Variants in ADGRV1 observed in about 807,000 individuals in gnomAD.
ADGRV1 encodes the protein G-protein coupled receptor 98.
In ADGRV1, 359 loss-of-function variants were observed where a neutral mutation model predicts 596.2. That is an observed-to-expected ratio of 0.60 (90% confidence interval 0.55 to 0.66). The LOEUF (loss-of-function observed/expected upper bound fraction) is 0.66. ADGRV1 is among the 30% of genes least tolerant of loss of function. The pLI, the probability that ADGRV1 is intolerant of heterozygous loss-of-function variation, is 0.00. For missense variants in ADGRV1, 7,274 were observed against 7,575.6 expected, an observed-to-expected ratio of 0.96 and a Z score of 1.48; for synonymous variants, 2,681 against 2,679.2, an observed-to-expected ratio of 1.00 and a Z score of -0.02.
At chr5:90,639,541 G>A (rs1474997238) in intron 11 of ADGRV1, among the ~76,000 whole-genome samples, 2 of 151,888 alleles carry the variant, frequency 1.3e-5, no homozygotes, top group African/African-American at 2.4e-5. Context: ...TATCCCCTAT[G>A]GGTAAAAATA....
At chr5:90,970,681 C>A (rs1474422151) in intron 84 of ADGRV1, among the ~76,000 whole-genome samples, 1 of 152,106 alleles carries the variant, frequency 6.6e-6, no homozygotes, top group African/African-American at 2.4e-5. Flanking sequence ...ATAGAAAGGA[C>A]ATCCACATCA....
At position 90,787,832 on chromosome 5, in the gene ADGRV1, C is replaced by T. The variant is rs141667558; in HGVS notation, c.13654-239C>T. On this transcript the variant is annotated intron_variant, in intron 67 of 89. Coordinates refer to ENST00000405460, the MANE Select transcript of ADGRV1 (RefSeq NM_032119.4). ...TCTCAAACTCCTGATCTCAGGTGAT[C>T]TGCCCGCCTCGGCCTCCCAAAGTGT... 0.021 allele frequency among the ~76,000 whole-genome samples: 3,260 copies of T among 152,026 alleles called. 135 individuals carry two copies. Among genetic ancestry groups the T allele is most frequent in the African/African-American group, 0.075 (3,118 of 41,472 alleles).
intron 34 of ADGRV1, among the ~76,000 whole-genome samples, chr5:90,702,669 G>T (rs536200861): frequency 1.3e-5 from 2 of 151,998 alleles, no homozygotes; most frequent in South Asian, 2.1e-4. Flanking sequence ...TTTAAAAAAT[G>T]TTTGAAGATA....
At chr5:91,102,893 C>G (rs944184454) in intron 87 of ADGRV1, among the ~76,000 whole-genome samples, 4 of 152,158 alleles carry the variant, frequency 2.6e-5, no homozygotes, top group Non-Finnish European at 4.4e-5. Context: ...AAAATGAAAG[C>G]TGAGATTTTT....
At chr5:90,770,689 A>AAAACAAAC (rs368675436) in intron 59 of ADGRV1, among the ~76,000 whole-genome samples, 6 of 152,080 alleles carry the variant, frequency 3.9e-5, no homozygotes, top group African/African-American at 1.4e-4. Flanking sequence ...GTGCTCATGG[A>AAAACAAAC]AAACAAACAA....
chr5:90,581,984 T>C (rs570833126), intron 1 of ADGRV1, among the ~76,000 whole-genome samples: 13 of 152,298 alleles, frequency 8.5e-5, no homozygotes, highest in Admixed American at 5.2e-4. Context: ...CCATGTATTG[T>C]GTAATTTGGA....
At chr5:90,745,932 C>A in intron 52 of ADGRV1, 137 bp downstream of exon 52, 1 of 596,392 alleles carries the variant, frequency 1.7e-6, no homozygotes, top group Non-Finnish European at 2.9e-6. Context: ...CCCTGCCTCC[C>A]TTTTATGTGC....
chr5:90,686,902 C>T (rs1190143022), intron 29 of ADGRV1, among the ~76,000 whole-genome samples: 1 of 152,176 alleles, frequency 6.6e-6, no homozygotes, highest in Non-Finnish European at 1.5e-5. Flanking sequence ...TTAATGGCTG[C>T]CATTCTAACT....
intron 85 of ADGRV1, among the ~76,000 whole-genome samples, chr5:91,040,682 T>C (rs1290864192): frequency 1.3e-5 from 2 of 152,210 alleles, no homozygotes; most frequent in African/African-American, 4.8e-5. Flanking sequence ...TAAAAGATGA[T>C]GACAACAAGA....
At chr5:90,571,061 T>G (rs1328621730) in intron 1 of ADGRV1, among the ~76,000 whole-genome samples, 1 of 152,050 alleles carries the variant, frequency 6.6e-6, no homozygotes, top group Non-Finnish European at 1.5e-5. Context: ...CTTCCTAGGG[T>G]TTGTTGTTGT....
intron 1 of ADGRV1, chr5:90,614,293 A>T: frequency 3.1e-6 from 1 of 322,722 alleles, no homozygotes; most frequent in South Asian, 2.6e-5. Context: ...AAGTCCTGGA[A>T]ATTTATCCCT....
Position 90,693,952 on chromosome 5 carries a change from T to C in ADGRV1, c.7196T>C (p.Leu2399Pro). ...YSTSDIDVVA[L>P]AMEEGQDLLS... ...ACTTCCGACATTGATGTAGTGGCTC[T>C]GGCAATGGAGGAAGGTCAAGATTTA... The change falls in exon 33 of 90, where the codon CTG becomes CCG. Residue 2399 changes from leucine to proline, a missense_variant. By Grantham distance (98) the Leu-to-Pro change is moderately conservative. Transcript: ENST00000405460. The C allele has an allele frequency of 6.2e-7, 1 of 1,605,946 alleles. No homozygotes were observed. The highest frequency in any genetic ancestry group is 8.5e-7 in the Non-Finnish European group (1 of 1,174,004).
chr5:90,631,870 C>A (rs915616836), intron 9 of ADGRV1, among the ~76,000 whole-genome samples: 1 of 152,026 alleles, frequency 6.6e-6, no homozygotes, highest in Non-Finnish European at 1.5e-5. Flanking sequence ...CAAAAACAAA[C>A]AAAAAAATCT....
At position 90,777,931 on chromosome 5, in the gene ADGRV1, G is replaced by C. The variant is rs765356553; in HGVS notation, c.12554G>C (p.Gly4185Ala). 25 of 1,612,056 alleles carry C rather than the reference G, an allele frequency of 1.6e-5. No individual in the cohort carries two copies. The East Asian group carries it at 5.6e-4, about 36-fold the overall frequency. ...ISLVRGPGIL[G>A]EVTVFWRIFP... ...CTTGTTCGAGGCCCAGGGATTTTGG[G>C]GGAGGTCACAGTGTTCTGGAGGATA... Residue 4185 changes from glycine (G) to alanine (A), a missense_variant, in exon 62 of 90, where the codon GGG (glycine) becomes GCG (alanine). Gly to Ala is a moderately conservative substitution (Grantham distance 60, BLOSUM62 0). Transcript: ENST00000405460.
intron 50 of ADGRV1, among the ~76,000 whole-genome samples, chr5:90,732,177 A>G (rs1752638280): frequency 6.6e-6 from 1 of 152,054 alleles, no homozygotes; most frequent in Admixed American, 6.5e-5. Context: ...ATTAAAAAAA[A>G]GTTTTTTTTA....
At chr5:91,062,584 C>CCACT (rs1294289584) in intron 85 of ADGRV1, among the ~76,000 whole-genome samples, 6 of 152,072 alleles carry the variant, frequency 3.9e-5, no homozygotes, top group African/African-American at 1.4e-4. Flanking sequence ...CGTAGCACAC[C>CCACT]CACTGCACCC....
At chr5:90,628,889 A>G (rs1227249435) in intron 8 of ADGRV1, 57 bp downstream of exon 8, 1 of 1,515,862 alleles carries the variant, frequency 6.6e-7, no homozygotes, top group Non-Finnish European at 8.9e-7. Flanking sequence ...ACAAGAACCA[A>G]AGAATTTGGT....
At chr5:91,082,589 C>A (rs1789491280) in intron 86 of ADGRV1, among the ~76,000 whole-genome samples, 1 of 152,068 alleles carries the variant, frequency 6.6e-6, no homozygotes, top group African/African-American at 2.4e-5. Context: ...AATGAAAATA[C>A]AGTTACCGAT....
chr5:91,105,149 A>C (rs896176413), intron 87 of ADGRV1, among the ~76,000 whole-genome samples: 4 of 152,140 alleles, frequency 2.6e-5, no homozygotes, highest in African/African-American at 9.7e-5. Flanking sequence ...GATTATAGGC[A>C]TGAGCCACCG....
Sources: allele counts gnomAD v4.1 joint callset (sites outside exome capture counted in the v4.1 genomes callset), GRCh38; gene constraint gnomAD v4.1.1; transcripts MANE v1.5; gene names NCBI Gene and HGNC (gene_info 2026-07-23, HGNC 2026-07-21).